CDH12: variants seen among roughly 807,000 people sequenced by gnomAD.
CDH12 encodes cadherin-12.
A neutral mutation model predicts 74.1 loss-of-function variants in CDH12; 41 were observed. The observed-to-expected ratio is 0.55, with a 90% CI of 0.43 to 0.72. CDH12 has a LOEUF of 0.72. Ranked by LOEUF, CDH12 falls within the 30% of genes least tolerant of loss-of-function variation. The pLI, the probability that CDH12 is intolerant of heterozygous loss-of-function variation, is 0.00. For synonymous variants in CDH12, 399 were observed against 355.0 expected, an observed-to-expected ratio of 1.12 and a Z score of -1.39; for missense variants, 945 against 977.2, an observed-to-expected ratio of 0.97 and a Z score of 0.44.
rs149078540 is a variant in CDH12 at position 22,781,885 on chromosome 5, T to C, written c.-523+71173A>G. Among the ~76,000 whole-genome samples, 130 of 152,286 alleles carry C rather than the reference T, an allele frequency of 8.5e-4. 3 individuals are homozygous for C. In the East Asian group the frequency reaches 0.023, roughly 27 times the overall value. ...GGAGTCCACCTCTTTCAATAGTGTG[T>C]CCTGGGTGTGAGACATGCAAAGAAG... On this transcript the variant is annotated intron_variant, in intron 1 of 14. Transcript: ENST00000382254.
intron 4 of CDH12, among the ~76,000 whole-genome samples, chr5:22,100,652 G>GACACACACACACACACACACAC (rs150777646): frequency 6.2e-5 from 9 of 144,344 alleles, no homozygotes; most frequent in African/African-American, 1.5e-4. Context: ...CCATACATTA[G>GACACACACACACACACACACAC]ACACACACAC....
chr5:22,463,665 C>A lies in CDH12; in HGVS notation c.-428+41605G>T, dbSNP rs191854713. On this transcript the variant is annotated intron_variant, in intron 2 of 14. Transcript: ENST00000382254. Reference sequence around the variant, plus strand: ...CTAAAGTAAAAATAAGAATATTTAACGTTTTTAAACTGAAGTCTTTTAATT... The same window carrying A: ...CTAAAGTAAAAATAAGAATATTTAAAGTTTTTAAACTGAAGTCTTTTAATT... 3.5e-3 allele frequency among the ~76,000 whole-genome samples: 533 copies of A among 152,020 alleles called. 4 individuals carry two copies. The highest frequency in any genetic ancestry group is 0.012 in the African/African-American group (499 of 41,494).
intron 1 of CDH12, among the ~76,000 whole-genome samples, chr5:22,602,684 C>T (rs1561521378): frequency 6.6e-6 from 1 of 152,044 alleles, no homozygotes; most frequent in African/African-American, 2.4e-5. Flanking sequence ...TATGAGATGA[C>T]AGGTGATACA....
chr5:22,819,478 T>G (rs1334174527), intron 1 of CDH12, among the ~76,000 whole-genome samples: 2 of 152,090 alleles, frequency 1.3e-5, no homozygotes, highest in Non-Finnish European at 2.9e-5. Context: ...AGAATTTATT[T>G]AAAATATTCT....
intron 1 of CDH12, among the ~76,000 whole-genome samples, chr5:22,848,881 T>G (rs1737423982): frequency 6.6e-6 from 1 of 152,164 alleles, no homozygotes; most frequent in Non-Finnish European, 1.5e-5. Context: ...TGTATTGTAC[T>G]TTTTTTATGC....
intron 3 of CDH12, among the ~76,000 whole-genome samples, chr5:22,387,517 A>G (rs1462067553): frequency 6.6e-6 from 1 of 152,116 alleles, no homozygotes; most frequent in Non-Finnish European, 1.5e-5. Context: ...TTCCTTAATG[A>G]CTGGTATTGA....
chr5:22,529,066 T>TATATATGCATGCAAAACATGA (rs1561470249), intron 1 of CDH12, among the ~76,000 whole-genome samples: 1 of 150,350 alleles, frequency 6.7e-6, no homozygotes, highest in African/African-American at 2.5e-5. Flanking sequence ...TGTATATATG[T>TATATATGCATGCAAAACATGA]ATATATGCAT....
chr5:22,537,998 G>C (rs2126714786), intron 1 of CDH12, among the ~76,000 whole-genome samples: 1 of 152,258 alleles, frequency 6.6e-6, no homozygotes, highest in East Asian at 1.9e-4. Flanking sequence ...TATAGAAAAA[G>C]ATGCAGCATG....
intron 8 of CDH12, among the ~76,000 whole-genome samples, chr5:21,825,968 A>G (rs371083856): frequency 3.9e-5 from 6 of 152,288 alleles, no homozygotes; most frequent in Non-Finnish European, 1.5e-5. Context: ...TAGCCCAGGG[A>G]CCATCCAAAG....
intron 3 of CDH12, among the ~76,000 whole-genome samples, chr5:22,383,857 C>T (rs1465395793): frequency 6.6e-6 from 1 of 152,110 alleles, no homozygotes; most frequent in East Asian, 1.9e-4. Context: ...TTCTCCCTCC[C>T]TTCTCTGGGA....
Position 22,797,759 on chromosome 5 carries a change from T to C in CDH12, c.-523+55299A>G, listed in dbSNP as rs183327928. On this transcript the variant is annotated intron_variant, in intron 1 of 14. Coordinates refer to ENST00000382254, the MANE Select transcript of CDH12 (RefSeq NM_004061.5). ...AATTGTAAATCTCAAGTTTTTTATT[T>C]GAATACAATTTCTATTAAGAAATAA... 5.7e-4 allele frequency among the ~76,000 whole-genome samples: 87 copies of C among 152,310 alleles called. No homozygotes were observed. In the East Asian group the frequency reaches 0.014, roughly 25 times the overall value.
intron 1 of CDH12, among the ~76,000 whole-genome samples, chr5:22,689,693 C>A (rs925944688): frequency 6.6e-6 from 1 of 151,972 alleles, no homozygotes; most frequent in Non-Finnish European, 1.5e-5. Context: ...TGTCAAAAAT[C>A]TTAGTTTTTA....
At chr5:21,929,330 G>A (rs1754731795) in intron 6 of CDH12, among the ~76,000 whole-genome samples, 1 of 151,534 alleles carries the variant, frequency 6.6e-6, no homozygotes, top group Admixed American at 6.6e-5. Flanking sequence ...TAGAATCAGT[G>A]GAATCCTAGA....
At chr5:22,775,300 T>C (rs1401633194) in intron 1 of CDH12, among the ~76,000 whole-genome samples, 1 of 152,044 alleles carries the variant, frequency 6.6e-6, no homozygotes, top group Non-Finnish European at 1.5e-5. Flanking sequence ...CAAAACTAGA[T>C]TTGTGTCATT....
chr5:22,139,194 G>A (rs558114384), intron 4 of CDH12: 1 of 148,524 alleles, frequency 6.7e-6, no homozygotes, highest in East Asian at 2.0e-4. Flanking sequence ...TATTTAAAAT[G>A]TGCATGTTAT....
chr5:22,039,964 G>A (rs1179458917), intron 5 of CDH12, among the ~76,000 whole-genome samples: 1 of 150,424 alleles, frequency 6.6e-6, no homozygotes, highest in African/African-American at 2.4e-5. Context: ...CCAGTAATAG[G>A]CCAGTAATAG....
intron 1 of CDH12, among the ~76,000 whole-genome samples, chr5:22,585,596 T>C (rs1479605574): frequency 6.6e-6 from 1 of 152,136 alleles, no homozygotes; most frequent in Non-Finnish European, 1.5e-5. Context: ...TTGTCAACAT[T>C]CAATGTTTTT....
chr5:21,980,832 A>G (rs1473240439), intron 5 of CDH12, among the ~76,000 whole-genome samples: 1 of 152,074 alleles, frequency 6.6e-6, no homozygotes, highest in Non-Finnish European at 1.5e-5. Flanking sequence ...ACTGTTTTGT[A>G]ACTTGCTTTT....
intron 3 of CDH12, among the ~76,000 whole-genome samples, chr5:22,220,597 A>AAAATGAATAG (rs11282848): frequency 0.45 from 67,882 of 150,766 alleles, 16,460 homozygotes; most frequent in Non-Finnish European, 0.55. Flanking sequence ...TAAGCTTGAG[A>AAAATGAATAG]AAGGGATAAT....
Sources: gnomAD v4.1 joint callset for allele counts (sites outside exome capture counted in the v4.1 genomes callset) on GRCh38, gnomAD v4.1.1 for gene constraint, MANE v1.5 for transcripts, NCBI Gene and HGNC (gene_info 2026-07-23, HGNC 2026-07-21) for gene names.